CYP2A13: variants seen among roughly 807,000 people sequenced by gnomAD.
CYP2A13 encodes cytochrome P450 family 2 subfamily A member 13, also known as cytochrome P450 2A13.
A neutral mutation model predicts 39.4 loss-of-function variants in CYP2A13; 30 were observed. The observed-to-expected ratio is 0.76, with a 90% CI of 0.57 to 1.03. CYP2A13 has a LOEUF of 1.03. CYP2A13 is among the 50% of genes least tolerant of loss of function. The pLI, the probability that CYP2A13 is intolerant of heterozygous loss-of-function variation, is 0.00. For missense variants in CYP2A13, 731 were observed against 648.4 expected (o/e 1.13, Z -1.38); for synonymous variants, 269 against 254.7 (o/e 1.06, Z -0.54).
At chr19:41,093,440 G>C (rs2031233118) in intron 5 of CYP2A13, among the ~76,000 whole-genome samples, 190 bp from the exon 6 acceptor site, 1 of 152,120 alleles carries the variant, frequency 6.6e-6, no homozygotes, top group African/African-American at 2.4e-5. Flanking sequence ...AAGAAGGTGA[G>C]AAGGAAGAGC....
Position 41,088,481 on chromosome 19 carries a change from T to G in CYP2A13, c.10T>G (p.Ser4Ala), listed in dbSNP as rs749106936. The G allele has an allele frequency of 1.2e-5, 19 of 1,613,620 alleles. No individual in the cohort carries two copies. The highest frequency in any genetic ancestry group is 3.3e-4 in the Middle Eastern group (2 of 6,056). ...TCATCCCACTGCCACCATGCTGGCCTCAGGGCTGCTTCTGGTGACCTTGCT... is the reference window on the plus strand; with the variant it reads ...TCATCCCACTGCCACCATGCTGGCCGCAGGGCTGCTTCTGGTGACCTTGCT... MLA[S>A]GLLLVTLLAC... The change falls in exon 1 of 9, where the codon TCA (serine) becomes GCA (alanine). Residue 4 changes from serine (S) to alanine (A), a missense_variant. Physicochemically the swap from Ser to Ala is moderately conservative, Grantham distance 99. Transcript: ENST00000330436.
chr19:41,095,712 G>T, intron 8 of CYP2A13, 48 bp from the exon 9 acceptor site: 1 of 1,607,600 alleles, frequency 6.2e-7, no homozygotes, highest in African/African-American at 1.3e-5. Flanking sequence ...GGTTGAGGCT[G>T]CACTGAGAGT....
rs774185503 is a variant in CYP2A13 at position 41,090,494 on chromosome 19, A to G, written c.584A>G (p.Asp195Gly). ...IVFGDRFDYE[D>G]KEFLSLLRMM... ...TTTGGGGACCGCTTTGACTATGAGG[A>G]CAAAGAGTTCCTGTCACTGTTGCGC... Residue 195 changes from aspartate (D) to glycine (G), a missense_variant, in exon 4 of 9, where the codon GAC becomes GGC. By Grantham distance (94) the Asp-to-Gly change is moderately conservative. Transcript: ENST00000330436. The G allele has an allele frequency of 1.2e-6, 2 of 1,614,134 alleles. No homozygotes were observed. The highest frequency in any genetic ancestry group is 4.5e-5 in the East Asian group (2 of 44,880).
rs9916987 is a variant in CYP2A13, at chr19:41,094,972, T to A, written c.1175T>A (p.Phe392Tyr). 3.2e-5 allele frequency: 52 copies of A among 1,614,032 alleles called. No individual in the cohort carries two copies. The highest frequency in any genetic ancestry group is 1.7e-4 in the Middle Eastern group (1 of 6,060). Residue 392 changes from phenylalanine (F) to tyrosine (Y), a missense_variant, in exon 8 of 9, where the codon TTC (phenylalanine) becomes TAC (tyrosine). Coordinates refer to ENST00000330436, the MANE Select transcript of CYP2A13 (RefSeq NM_000766.5). ...CCTCCCTCCCAGGGCACTGAAGTGT[T>A]CCCTATGCTGGGCTCCGTGCTGAGA... ...DFFLPKGTEV[F>Y]PMLGSVLRDP...
rs1329585006 is a variant in CYP2A13 at position 41,090,391 on chromosome 19, G to T, written c.494-13G>T. ...ACTCTCTCCCCAACCCCCTTCTCCC[G>T]CCACACCTGCAGGCGCCAATATCGA... On this transcript the variant is annotated splice_polypyrimidine_tract_variant and intron_variant, in intron 3 of 8. Coordinates refer to ENST00000330436, the MANE Select transcript of CYP2A13 (RefSeq NM_000766.5). 8.1e-6 allele frequency: 13 copies of T among 1,613,554 alleles called. No homozygotes were observed. The East Asian group carries it at 2.0e-4, about 25-fold the overall frequency.
At chr19:41,090,667 T>C in intron 4 of CYP2A13, 103 bp downstream of exon 4, 1 of 1,561,936 alleles carries the variant, frequency 6.4e-7, no homozygotes, top group Non-Finnish European at 8.7e-7. Context: ...CCAGACAGTG[T>C]CCCCTCAAAA....
rs2031270682 is a variant in CYP2A13 at position 41,094,967 on chromosome 19, A to C, written c.1170A>C (p.Glu390Asp). 6.2e-7 allele frequency: 1 copy of C among 1,613,830 alleles called. No individual in the cohort carries two copies. Among genetic ancestry groups the C allele is most frequent in the Non-Finnish European group, 8.5e-7 (1 of 1,179,986 alleles). ...FRDFFLPKGTEVFPMLGSVLR... is the reference protein window; with the variant it reads ...FRDFFLPKGTDVFPMLGSVLR... ...TTCCTCCTCCCTCCCAGGGCACTGAAGTGTTCCCTATGCTGGGCTCCGTGC... is the reference window on the plus strand; with the variant it reads ...TTCCTCCTCCCTCCCAGGGCACTGACGTGTTCCCTATGCTGGGCTCCGTGC... The change falls in exon 8 of 9, where the codon GAA becomes GAC. Residue 390 changes from glutamate (E) to aspartate (D), a missense_variant. Glu to Asp is a conservative substitution (Grantham distance 45). Transcript: ENST00000330436.
intron 2 of CYP2A13, among the ~76,000 whole-genome samples, chr19:41,089,562 G>A (rs1259572650): frequency 3.3e-5 from 5 of 151,738 alleles, no homozygotes; most frequent in Non-Finnish European, 7.4e-5. Flanking sequence ...CCTCCTTCCC[G>A]ATCCTCTCTG....
intron 2 of CYP2A13, 140 bp from the exon 3 acceptor site, chr19:41,089,907 C>T (rs765989193): frequency 1.6e-4 from 165 of 1,007,024 alleles, no homozygotes; most frequent in Non-Finnish European, 2.1e-4. Flanking sequence ...GTTTGCAGCT[C>T]TCCTGGGCAC....
At chr19:41,092,496 A>G (rs2031215063) in intron 5 of CYP2A13, among the ~76,000 whole-genome samples, 1 of 152,144 alleles carries the variant, frequency 6.6e-6, no homozygotes, top group Admixed American at 6.5e-5. Flanking sequence ...ATAGTCCGCC[A>G]TGGAACACTT....
rs373570182 is a variant in CYP2A13, at chr19:41,091,936, G to A, written c.831+28G>A. ...ACATCCCAGCAGCCAGTGCAGGCAG[G>A]TGCAAAGCCAGGGAGAGGGAAATCA... On this transcript the variant is annotated intron_variant, in intron 5 of 8. Coordinates refer to ENST00000330436, the MANE Select transcript of CYP2A13 (RefSeq NM_000766.5). The A allele has an allele frequency of 2.2e-5, 36 of 1,611,312 alleles. No individual in the cohort carries two copies. In the African/African-American group the frequency reaches 3.2e-4, roughly 14 times the overall value.
At chr19:41,093,837 G>C (rs1441248072) in intron 6 of CYP2A13, 66 bp downstream of exon 6, 1 of 1,579,540 alleles carries the variant, frequency 6.3e-7, no homozygotes, top group African/African-American at 1.4e-5. Flanking sequence ...GCCTGGTGCA[G>C]TGTACCCACC....
At chr19:41,094,669 G>A (rs556348785) in intron 7 of CYP2A13, among the ~76,000 whole-genome samples, 4 of 152,140 alleles carry the variant, frequency 2.6e-5, no homozygotes, top group East Asian at 3.9e-4. Context: ...CAAACTTCCT[G>A]TCTTAAGAAA....
intron 2 of CYP2A13, 150 bp downstream of exon 2, chr19:41,089,241 T>C: frequency 7.4e-7 from 1 of 1,357,936 alleles, no homozygotes; most frequent in Non-Finnish European, 1.0e-6. Context: ...TCGTGGCCTC[T>C]CCCTGTGCGT....
At position 41,093,615 on chromosome 19, in the gene CYP2A13, G is replaced by C. The variant is rs201250285; in HGVS notation, c.832-15G>C. 1.2e-6 allele frequency: 2 copies of C among 1,613,854 alleles called. No homozygotes were observed. The highest frequency in any genetic ancestry group is 1.7e-6 in the Non-Finnish European group (2 of 1,179,858). On this transcript the variant is annotated splice_polypyrimidine_tract_variant and intron_variant, in intron 5 of 8. Transcript: ENST00000330436. ...ATGGAGAGTGAGCTTGGTCTAAACC[G>C]CCCTCTCCCTGCAGGAGGAGAAGAA...
chr19:41,088,772 G>A, intron 1 of CYP2A13, 121 bp downstream of exon 1: 2 of 1,534,858 alleles, frequency 1.3e-6, no homozygotes, highest in Non-Finnish European at 1.8e-6. Flanking sequence ...TGGAGTTTCA[G>A]CATCAGGGTC....
chr19:41,091,579 T>C (rs2031189069), intron 4 of CYP2A13, among the ~76,000 whole-genome samples, 153 bp from the exon 5 acceptor site: 1 of 152,170 alleles, frequency 6.6e-6, no homozygotes, highest in Non-Finnish European at 1.5e-5. Context: ...AACTTAGATA[T>C]AAGTTTCCAT....
At position 41,096,148 on chromosome 19, in the gene CYP2A13, A is replaced by G; in HGVS notation, c.*207A>G. The G allele has an allele frequency of 1.4e-6, 1 of 698,724 alleles. No individual in the cohort carries two copies. 43.3% of individuals were successfully genotyped at this position (698,724 alleles called of 1,614,324 possible). On this transcript the variant is annotated 3_prime_UTR_variant, in exon 9 of 9. Transcript: ENST00000330436. Reference sequence around the variant, plus strand: ...CTGTGATGAGAGGAAGGGAAACCTTACAGTATGCTACAAAGAGTAGTAATA... The same window carrying G: ...CTGTGATGAGAGGAAGGGAAACCTTGCAGTATGCTACAAAGAGTAGTAATA...
chr19:41,090,192 G>A lies in CYP2A13; in HGVS notation c.489G>A (p.Thr163=), dbSNP rs781731358. 13 of 1,577,040 alleles carry A rather than the reference G, an allele frequency of 8.2e-6. No homozygotes were observed. The African/African-American group carries it at 1.6e-4, about 20-fold the overall frequency. ...AGFLIDALRG[T]HGANIDPTFF... is the part of the protein sequence containing the mutation. The stretch of plus-strand genomic sequence containing the variant: ...TCCTCATCGACGCCCTCCGGGGCAC[G>A]CACGGTGAGTAGGGGACCCCGAGTG... The change falls in exon 3 of 9, where the codon ACG becomes ACA. Residue 163 remains threonine, a synonymous_variant. Coordinates refer to ENST00000330436, the MANE Select transcript of CYP2A13 (RefSeq NM_000766.5).
Sources: allele counts gnomAD v4.1 joint callset (sites outside exome capture counted in the v4.1 genomes callset), GRCh38; gene constraint gnomAD v4.1.1; transcripts MANE v1.5; gene names NCBI Gene and HGNC (gene_info 2026-07-23, HGNC 2026-07-21).